EXOC6: variants seen among roughly 807,000 people sequenced by gnomAD.
EXOC6 encodes the protein exocyst complex component 6, also known as SEC15-like 1.
A neutral mutation model predicts 112.5 loss-of-function variants in EXOC6; 60 were observed. The observed-to-expected ratio is 0.53, with a 90% CI of 0.43 to 0.66. The LOEUF is 0.66. EXOC6 is among the 30% of genes least tolerant of loss of function. EXOC6 has a pLI of 0.00. For missense variants in EXOC6, 855 were observed against 957.1 expected (o/e 0.89, Z 1.41); for synonymous variants, 295 against 308.0 (o/e 0.96, Z 0.44).
chr10:93,033,105 A>G (rs942218653), intron 20 of EXOC6, among the ~76,000 whole-genome samples: 10 of 152,218 alleles, frequency 6.6e-5, no homozygotes, highest in African/African-American at 2.4e-4. Flanking sequence ...AGTTTGGATC[A>G]TAGGTATGAT....
chr10:92,958,771 A>G (rs1853827889), intron 17 of EXOC6, among the ~76,000 whole-genome samples: 1 of 152,182 alleles, frequency 6.6e-6, no homozygotes, highest in African/African-American at 2.4e-5. Flanking sequence ...TGGAGGACTG[A>G]TACTACCCAT....
chr10:92,991,349 T>A (rs536079811), intron 18 of EXOC6, among the ~76,000 whole-genome samples: 1 of 149,702 alleles, frequency 6.7e-6, no homozygotes, highest in South Asian at 2.1e-4. Context: ...GGCATAAGAA[T>A]CGCTTGAACC....
chr10:93,011,875 G>C (rs977341673), intron 19 of EXOC6, among the ~76,000 whole-genome samples: 16 of 152,108 alleles, frequency 1.1e-4, no homozygotes, highest in Non-Finnish European at 2.9e-5. Flanking sequence ...ACCACTGTAT[G>C]AAAGTATACC....
chr10:92,909,796 G>C (rs1456394890), intron 6 of EXOC6, among the ~76,000 whole-genome samples, 165 bp downstream of exon 6: 1 of 151,556 alleles, frequency 6.6e-6, no homozygotes, highest in African/African-American at 2.4e-5. Flanking sequence ...GTTTTCTTTG[G>C]CTTCACATTT....
In EXOC6 at chr10:92,915,837, G is replaced by A. The variant is rs566672685; in HGVS notation, c.743G>A (p.Arg248His). 5.8e-5 allele frequency: 90 copies of A among 1,546,212 alleles called. No individual in the cohort carries two copies. The South Asian group carries it at 8.1e-4, about 14-fold the overall frequency. The change falls in exon 7 of 22, where the codon CGT (arginine) becomes CAT (histidine). Residue 248 changes from arginine (R) to histidine (H), a missense_variant. Arg to His is a conservative substitution (Grantham distance 29). Transcript: ENST00000260762. ...TTTGGGAAAAATATGTATATAAATC[G>A]TGATAGAATTCCAGAGGAAAGGAAT... ...MKFGKNMYIN[R>H]DRIPEERNET...
intron 13 of EXOC6, among the ~76,000 whole-genome samples, chr10:92,946,636 G>T (rs1324257510): frequency 6.6e-6 from 1 of 152,044 alleles, no homozygotes; most frequent in Non-Finnish European, 1.5e-5. Flanking sequence ...CTGGATGTCT[G>T]TTTGCACACC....
chr10:92,871,802 C>T (rs1421048098), intron 1 of EXOC6, among the ~76,000 whole-genome samples: 1 of 151,824 alleles, frequency 6.6e-6, no homozygotes, highest in Middle Eastern at 3.4e-3. Flanking sequence ...AGTGAGATTC[C>T]GTCTAAAAAA....
intron 6 of EXOC6, among the ~76,000 whole-genome samples, chr10:92,914,130 C>T (rs1237445413): frequency 6.6e-6 from 1 of 152,214 alleles, no homozygotes; most frequent in East Asian, 1.9e-4. Flanking sequence ...AAGAGGATTA[C>T]TGCCTGAGCT....
In EXOC6 at chr10:92,848,637, A is replaced by G; in HGVS notation, c.101+3A>G. The G allele has an allele frequency of 1.4e-6, 2 of 1,406,564 alleles. No homozygotes were observed. Among genetic ancestry groups the G allele is most frequent in the Non-Finnish European group, 1.9e-6 (2 of 1,060,572 alleles). The allele number at this position is 1,406,564 out of a possible 1,614,324, so 87.1% of individuals were successfully genotyped here. ...GCCTGTGTGGGGCCCACCCTCCGGT[A>G]AAGATCTCATCCCACCGGGACTTCG... On this transcript the variant is annotated splice_donor_region_variant and intron_variant, in intron 1 of 21. Coordinates refer to ENST00000260762, the MANE Select transcript of EXOC6 (RefSeq NM_019053.6).
At chr10:92,887,348 G>A (rs189988402) in intron 1 of EXOC6, among the ~76,000 whole-genome samples, 6 of 149,110 alleles carry the variant, frequency 4.0e-5, no homozygotes, top group Admixed American at 2.0e-4. Context: ...TTTTATCAAC[G>A]TAAGTAGAGG....
intron 8 of EXOC6, among the ~76,000 whole-genome samples, chr10:92,924,145 C>T (rs1230343413): frequency 6.6e-6 from 1 of 152,072 alleles, no homozygotes; most frequent in Non-Finnish European, 1.5e-5. Context: ...TTCCCCCTAG[C>T]TATTGACAAC....
chr10:92,936,278 G>C (rs866970314), intron 12 of EXOC6, among the ~76,000 whole-genome samples: 62 of 152,320 alleles, frequency 4.1e-4, no homozygotes, highest in Middle Eastern at 6.8e-3. Flanking sequence ...CTGTGCTGTT[G>C]ACTAATTGTA....
intron 8 of EXOC6, 121 bp from the exon 9 acceptor site, chr10:92,928,218 G>A (rs1026303126): frequency 5.4e-6 from 3 of 552,606 alleles, no homozygotes; most frequent in Non-Finnish European, 9.7e-6. Flanking sequence ...TGTATGAAAT[G>A]CTATTAAACA....
At chr10:92,842,269 G>T (rs569567036) in intron 1 of EXOC6, among the ~76,000 whole-genome samples, 2 of 149,204 alleles carry the variant, frequency 1.3e-5, no homozygotes, top group Admixed American at 1.3e-4. Context: ...TGAGGCAGGA[G>T]AATTGCTTGA....
intron 20 of EXOC6, among the ~76,000 whole-genome samples, chr10:93,039,702 C>G (rs1404025480): frequency 3.3e-5 from 5 of 152,218 alleles, no homozygotes; most frequent in Non-Finnish European, 5.9e-5. Context: ...CTTCCTTACT[C>G]TACTCCTTCT....
chr10:93,028,803 C>A lies in EXOC6; in HGVS notation c.2169+14536C>A, dbSNP rs545329293. On this transcript the variant is annotated intron_variant, in intron 20 of 21. Coordinates refer to ENST00000260762, the MANE Select transcript of EXOC6 (RefSeq NM_019053.6). ...GAGCTGAGATCGTGCCATTGCACTC[C>A]AGCCTGGGCAACAAGAGTGAAACTC... Among the ~76,000 whole-genome samples, 8 of 134,568 alleles carry A rather than the reference C, an allele frequency of 5.9e-5. No individual in the cohort carries two copies. The East Asian group carries it at 1.7e-3, about 29-fold the overall frequency. 88.3% of individuals were successfully genotyped at this position (134,568 alleles called of 152,430 possible).
chr10:93,054,384 G>A (rs191963191), intron 20 of EXOC6, among the ~76,000 whole-genome samples: 6 of 152,178 alleles, frequency 3.9e-5, no homozygotes, highest in Admixed American at 1.3e-4. Context: ...TTGCAAATTC[G>A]TGCAGATTTC....
Position 92,834,825 on chromosome 10 carries a change from G to A in EXOC6, c.86+1G>A. On this transcript the variant is annotated splice_donor_variant, in intron 1 of 21. Coordinates refer to the EXOC6 transcript ENST00000371552. LOFTEE classifies it high-confidence loss of function. The stretch of plus-strand genomic sequence containing the variant: ...AACTGCCTGTTGAAGCTACTTTAAG[G>A]TAGGGCACCGTTGCATTTTATTGTG... The A allele has an allele frequency of 1.3e-6, 2 of 1,574,010 alleles. No homozygotes were observed. The highest frequency in any genetic ancestry group is 1.3e-5 in the African/African-American group (1 of 74,182).
chr10:92,886,398 C>G (rs182458387), intron 1 of EXOC6, among the ~76,000 whole-genome samples: 126 of 152,288 alleles, frequency 8.3e-4, no homozygotes, highest in Admixed American at 2.1e-3. Flanking sequence ...GTTATCATCC[C>G]CCTTTTCTGT....
Sources: allele counts gnomAD v4.1 joint callset (sites outside exome capture counted in the v4.1 genomes callset), GRCh38; gene constraint gnomAD v4.1.1; transcripts MANE v1.5; gene names NCBI Gene and HGNC (gene_info 2026-07-23, HGNC 2026-07-21).